The following WWOX variants were observed in gnomAD, a reference collection of about 807,000 sequenced individuals.
WWOX encodes the protein WW domain-containing oxidoreductase.
WWOX carries 69 observed loss-of-function variants against 46.2 expected under a neutral mutation model. That is an observed-to-expected ratio of 1.49 (90% CI 1.23 to 1.82). WWOX has a LOEUF of 1.82. WWOX is among the 40% of genes most tolerant of loss of function. The probability of loss-of-function intolerance (pLI) is 0.00; values close to 1 mark genes in which losing one functional copy is unlikely to be tolerated. For synonymous variants in WWOX, 359 were observed against 202.6 expected, an observed-to-expected ratio of 1.77 and a Z score of -6.56; for missense variants, 919 against 542.6, an observed-to-expected ratio of 1.69 and a Z score of -6.89.
chr16:78,989,265 A>C (rs376255983), intron 8 of WWOX, among the ~76,000 whole-genome samples: 200 of 152,158 alleles, frequency 1.3e-3, no homozygotes, highest in African/African-American at 4.3e-3. Context: ...ATTCTAATTC[A>C]ATTAGAAGGC....
intron 5 of WWOX, among the ~76,000 whole-genome samples, chr16:78,373,085 T>G (rs997334911): frequency 6.6e-6 from 1 of 152,202 alleles, no homozygotes; most frequent in East Asian, 1.9e-4. Flanking sequence ...GCTTGCACAC[T>G]GGACAATGCT....
chr16:79,099,373 G>A (rs17727813), intron 8 of WWOX, among the ~76,000 whole-genome samples: 5,350 of 152,268 alleles, frequency 0.035, 103 homozygotes, highest in Middle Eastern at 0.044. Context: ...GTAAGGTCCC[G>A]TGACAATTAG....
At chr16:78,225,136 G>C (rs537987535) in intron 5 of WWOX, among the ~76,000 whole-genome samples, 37 of 152,270 alleles carry the variant, frequency 2.4e-4, no homozygotes, top group African/African-American at 7.7e-4. Flanking sequence ...AGCCTAGATG[G>C]ATAGCCTACT....
intron 8 of WWOX, among the ~76,000 whole-genome samples, chr16:79,179,506 T>C (rs2050867675): frequency 1.3e-5 from 2 of 152,194 alleles, no homozygotes; most frequent in Admixed American, 6.5e-5. Flanking sequence ...CAATCCTTCA[T>C]GCTTTTGTTT....
At chr16:78,520,621 T>C (rs536726757) in intron 8 of WWOX, among the ~76,000 whole-genome samples, 3 of 146,926 alleles carry the variant, frequency 2.0e-5, no homozygotes, top group Admixed American at 2.0e-4. Flanking sequence ...AGACTGGGAG[T>C]GGGGTGGGGT....
intron 8 of WWOX, among the ~76,000 whole-genome samples, chr16:78,868,934 C>G (rs756640999): frequency 6.6e-6 from 1 of 152,058 alleles, no homozygotes; most frequent in Non-Finnish European, 1.5e-5. Flanking sequence ...AACACACCTG[C>G]GTGCAAACGT....
chr16:79,012,878 A>C (rs556820670), intron 8 of WWOX, among the ~76,000 whole-genome samples: 1 of 152,324 alleles, frequency 6.6e-6, no homozygotes, highest in East Asian at 1.9e-4. Context: ...GCCTGGCTGA[A>C]GAAAGGCATC....
At chr16:78,631,863 C>CT (rs1428045361) in intron 8 of WWOX, among the ~76,000 whole-genome samples, 3 of 152,140 alleles carry the variant, frequency 2.0e-5, no homozygotes, top group African/African-American at 7.2e-5. Flanking sequence ...GTAGGAGAAG[C>CT]TTGCTCTCTT....
chr16:78,137,870 T>C lies in WWOX; in HGVS notation c.409+22716T>C, dbSNP rs569258406. Among the ~76,000 whole-genome samples, 47 of 151,200 alleles carry C rather than the reference T, an allele frequency of 3.1e-4. 2 individuals carry two copies. Among genetic ancestry groups the C allele is most frequent in the Admixed American group, 7.9e-4 (12 of 15,188 alleles). ...ATCCATACTCTTAATAGAATTGATA[T>C]ATGAAAGCAGGTCTTTTTCCTTATC... On this transcript the variant is annotated intron_variant, in intron 4 of 8. Coordinates refer to ENST00000566780, the MANE Select transcript of WWOX (RefSeq NM_016373.4).
intron 8 of WWOX, among the ~76,000 whole-genome samples, chr16:78,941,983 T>C (rs1217288473): frequency 6.6e-6 from 1 of 152,186 alleles, no homozygotes; most frequent in African/African-American, 2.4e-5. Context: ...ATGTGGGTCA[T>C]TGGGAAATAA....
intron 8 of WWOX, among the ~76,000 whole-genome samples, chr16:78,855,053 C>T (rs1248785587): frequency 1.3e-5 from 2 of 152,044 alleles, no homozygotes; most frequent in Admixed American, 6.6e-5. Context: ...CTATGATTGA[C>T]AGTCTACCTA....
intron 8 of WWOX, among the ~76,000 whole-genome samples, chr16:78,941,045 C>A (rs2045841799): frequency 6.6e-6 from 1 of 152,004 alleles, no homozygotes; most frequent in Admixed American, 6.6e-5. Context: ...GAAAGACTCA[C>A]AGCCATGAAT....
intron 8 of WWOX, among the ~76,000 whole-genome samples, chr16:78,666,769 G>A (rs931232361): frequency 1.3e-5 from 2 of 152,140 alleles, no homozygotes; most frequent in Admixed American, 6.5e-5. Flanking sequence ...GTTCTTTCCT[G>A]GAGAGATTAG....
At chr16:79,084,476 A>G (rs933270894) in intron 8 of WWOX, among the ~76,000 whole-genome samples, 6 of 152,158 alleles carry the variant, frequency 3.9e-5, no homozygotes, top group Non-Finnish European at 7.4e-5. Context: ...GGTAGAGTGC[A>G]GTGGTACAGT....
chr16:78,397,719 G>T (rs1020092306), intron 6 of WWOX, among the ~76,000 whole-genome samples: 1 of 152,220 alleles, frequency 6.6e-6, no homozygotes, highest in African/African-American at 2.4e-5. Flanking sequence ...TGGAGGAGAT[G>T]CTTCTTTCAG....
chr16:79,046,792 C>G (rs2048073745), intron 8 of WWOX, among the ~76,000 whole-genome samples: 1 of 152,172 alleles, frequency 6.6e-6, no homozygotes, highest in Admixed American at 6.5e-5. Context: ...ACCCTGCTCT[C>G]TTTGTCCCCC....
chr16:78,293,978 G>GAAAAAAAAAAAAAA lies in WWOX; in HGVS notation c.517-92863_517-92850dup, dbSNP rs35079271. Among the ~76,000 whole-genome samples, 96 of 30,316 alleles carry GAAAAAAAAAAAAAA rather than the reference G, an allele frequency of 3.2e-3. 4 individuals are homozygous for GAAAAAAAAAAAAAA. The highest frequency in any genetic ancestry group is 5.3e-3 in the Non-Finnish European group (79 of 14,970). The allele number at this position is 30,316 out of a possible 152,430, so 19.9% of individuals were successfully genotyped here. A position where few individuals can be genotyped will look rare whatever the true frequency, so the allele number is the denominator to read the frequency against. ...GGCGACAGAGTGAGACTCTGTCTCA[G>GAAAAAAAAAAAAAA]AAAAAAAAAAAAAAAAAAAAAAAAA... is the stretch of plus-strand genomic sequence containing the variant. On this transcript the variant is annotated intron_variant, in intron 5 of 8. Coordinates refer to ENST00000566780, the MANE Select transcript of WWOX (RefSeq NM_016373.4).
chr16:78,861,297 C>T (rs2043880026), intron 8 of WWOX, among the ~76,000 whole-genome samples: 1 of 152,230 alleles, frequency 6.6e-6, no homozygotes, highest in South Asian at 2.1e-4. Flanking sequence ...CCAGTCCATG[C>T]ATCCATCCAT....
At chr16:79,091,175 A>T (rs1172074052) in intron 8 of WWOX, among the ~76,000 whole-genome samples, 2 of 152,166 alleles carry the variant, frequency 1.3e-5, no homozygotes. Flanking sequence ...CCATAACCAC[A>T]TCCTTCCCCC....
Sources: gnomAD v4.1 joint callset for allele counts (sites outside exome capture counted in the v4.1 genomes callset) on GRCh38, gnomAD v4.1.1 for gene constraint, MANE v1.5 for transcripts, NCBI Gene and HGNC (gene_info 2026-07-23, HGNC 2026-07-21) for gene names.